The following S100Z variants were observed in gnomAD, a reference collection of about 807,000 sequenced individuals.
S100Z encodes the protein S100 calcium binding protein Z.
A neutral mutation model predicts 8.5 loss-of-function variants in S100Z; 11 were observed. The observed-to-expected ratio is 1.30, with a 90% confidence interval of 0.82 to 2.15. The LOEUF (loss-of-function observed/expected upper bound fraction) is 2.15. S100Z is among the 30% of genes most tolerant of loss of function. S100Z has a pLI of 0.00. For synonymous variants in S100Z, 34 were observed against 43.8 expected (o/e 0.78, Z 0.89); for missense variants, 126 against 117.9 (o/e 1.07, Z -0.32).
downstream of S100Z, among the ~76,000 whole-genome samples, chr5:76,925,736 G>A (rs1252265619): frequency 1.3e-5 from 2 of 152,124 alleles, no homozygotes; most frequent in Non-Finnish European, 2.9e-5. Context: ...AGAGGCTGAG[G>A]GGGGCGGATC....
intron 2 of S100Z, among the ~76,000 whole-genome samples, chr5:76,871,520 C>A (rs907305758): frequency 8.0e-6 from 1 of 125,100 alleles, no homozygotes; most frequent in Non-Finnish European, 1.7e-5. Flanking sequence ...ATCAGAAACT[C>A]TTTTTTTTTT....
chr5:76,860,215 A>G (rs1751016844), intron 1 of S100Z, among the ~76,000 whole-genome samples: 1 of 152,086 alleles, frequency 6.6e-6, no homozygotes, highest in South Asian at 2.1e-4. Context: ...GACCGCTCCC[A>G]TTGTGGCCAC....
chr5:76,899,388 AT>A (rs545916640), intron 4 of S100Z, among the ~76,000 whole-genome samples: 239 of 125,908 alleles, frequency 1.9e-3, no homozygotes, highest in Admixed American at 2.4e-3. Flanking sequence ...CCATTTTGCT[AT>A]TTTTTTTTTT....
chr5:76,943,313 C>T, the S100Z span, among the ~76,000 whole-genome samples: 328 of 152,294 alleles, frequency 2.2e-3, 2 homozygotes, highest in African/African-American at 7.6e-3. Flanking sequence ...GGACTTCTTT[C>T]ATGGTGGCTC....
At chr5:76,895,641 T>G (rs1470165549) in intron 4 of S100Z, among the ~76,000 whole-genome samples, 1 of 152,022 alleles carries the variant, frequency 6.6e-6, no homozygotes, top group African/African-American at 2.4e-5. Context: ...AAGCACATCA[T>G]AAAGAATAGG....
rs1252329969 is a variant in S100Z at position 76,921,307 on chromosome 5, C to A, written c.*593C>A. 1 of 152,066 alleles carries A rather than the reference C, an allele frequency of 6.6e-6. No homozygotes were observed. The highest frequency in any genetic ancestry group is 2.4e-5 in the African/African-American group (1 of 41,384). The allele number at this position is 152,066 out of a possible 1,614,324, so 9.4% of individuals were successfully genotyped here. ...ATTCCCTATTGCATATAGATTATTTCTAATTTTTCTATTAATAATACTAAG... is the reference window on the plus strand; with the variant it reads ...ATTCCCTATTGCATATAGATTATTTATAATTTTTCTATTAATAATACTAAG... On this transcript the variant is annotated 3_prime_UTR_variant, in exon 5 of 5. Coordinates refer to ENST00000317593, the MANE Select transcript of S100Z (RefSeq NM_130772.4).
chr5:76,861,343 AT>A (rs10568349), intron 1 of S100Z, among the ~76,000 whole-genome samples: 51,342 of 147,850 alleles, frequency 0.35, 9,625 homozygotes, highest in South Asian at 0.66. Context: ...AAAAGCCAGG[AT>A]TTTTTTTTTT....
intron 4 of S100Z, among the ~76,000 whole-genome samples, chr5:76,910,322 C>G (rs191118036): frequency 1.8e-3 from 276 of 152,136 alleles, no homozygotes; most frequent in African/African-American, 6.3e-3. Context: ...AGCCCTGGGC[C>G]CTGAACAAAA....
chr5:76,873,532 T>C (rs1379866794), intron 2 of S100Z, among the ~76,000 whole-genome samples: 4 of 152,130 alleles, frequency 2.6e-5, no homozygotes, highest in Non-Finnish European at 4.4e-5. Flanking sequence ...GGTCTCGAAC[T>C]CCTGACCTCA....
chr5:76,859,782 A>AAAG (rs1751000975), intron 1 of S100Z, among the ~76,000 whole-genome samples: 1 of 151,364 alleles, frequency 6.6e-6, no homozygotes, highest in African/African-American at 2.4e-5. Context: ...AAAAAAAAAA[A>AAAG]AAAGAAATAA....
chr5:76,879,701 C>T (rs1020148810), intron 4 of S100Z, among the ~76,000 whole-genome samples: 2 of 152,032 alleles, frequency 1.3e-5, no homozygotes, highest in Non-Finnish European at 2.9e-5. Flanking sequence ...AAACGTCTGA[C>T]AGTTTGCTGT....
At chr5:76,875,201 G>GT (rs1187742076) in intron 2 of S100Z, 103 bp from the exon 3 acceptor site, 36 of 666,154 alleles carry the variant, frequency 5.4e-5, no homozygotes, top group African/African-American at 3.5e-4. Context: ...AGACTATTAT[G>GT]TTTTTAACAA....
intron 4 of S100Z, among the ~76,000 whole-genome samples, chr5:76,890,589 G>A (rs1743823803): frequency 6.6e-6 from 1 of 152,168 alleles, no homozygotes; most frequent in South Asian, 2.1e-4. Flanking sequence ...GTTTGAGGCT[G>A]CAGTAATCTA....
chr5:76,924,054 G>A (rs984423460), downstream of S100Z, among the ~76,000 whole-genome samples: 6 of 152,042 alleles, frequency 3.9e-5, no homozygotes, highest in African/African-American at 7.2e-5. Context: ...CTAAAATATC[G>A]CTAAGCAGAA....
the S100Z span, among the ~76,000 whole-genome samples, chr5:76,947,347 C>G: frequency 6.6e-6 from 1 of 152,202 alleles, no homozygotes; most frequent in East Asian, 1.9e-4. Flanking sequence ...TTGAAAATAG[C>G]TGGCACATTA....
the S100Z span, among the ~76,000 whole-genome samples, chr5:76,939,299 C>A: frequency 5.2e-4 from 75 of 145,610 alleles, no homozygotes; most frequent in South Asian, 6.6e-4. Flanking sequence ...ACTACAGGCG[C>A]CCACCACCAC....
At chr5:76,925,374 G>T (rs1460942899), downstream of S100Z, among the ~76,000 whole-genome samples, 1 of 152,082 alleles carries the variant, frequency 6.6e-6, no homozygotes, top group African/African-American at 2.4e-5. Context: ...ACCATAACCG[G>T]GGCTTCGCCT....
the S100Z span, among the ~76,000 whole-genome samples, chr5:76,944,364 G>A: frequency 6.6e-6 from 1 of 152,218 alleles, no homozygotes; most frequent in African/African-American, 2.4e-5. Context: ...GTGCTCTGGA[G>A]GAAGATGGGT....
the S100Z span, among the ~76,000 whole-genome samples, chr5:76,945,436 T>C: frequency 2.0e-5 from 3 of 152,068 alleles, no homozygotes; most frequent in Non-Finnish European, 4.4e-5. Flanking sequence ...AAGAGGAAGG[T>C]CTCTGTCTCC....
Sources: gnomAD v4.1 joint callset for allele counts (sites outside exome capture counted in the v4.1 genomes callset) on GRCh38, gnomAD v4.1.1 for gene constraint, MANE v1.5 for transcripts, NCBI Gene and HGNC (gene_info 2026-07-23, HGNC 2026-07-21) for gene names.